ERG: variants seen among roughly 807,000 people sequenced by gnomAD.
The protein encoded by ERG is transcriptional regulator ERG.
Under a neutral mutation model 55.3 loss-of-function variants are expected in ERG, and 9 were observed. That is an observed-to-expected ratio of 0.16 (90% CI 0.10 to 0.28). The LOEUF is 0.28. Among genes scored for constraint, ERG ranks in the 10% least tolerant of loss-of-function variants. The pLI, the probability that ERG is intolerant of heterozygous loss-of-function variation, is 1.00. For synonymous variants in ERG, 223 were observed against 237.3 expected (o/e 0.94, Z 0.55); for missense variants, 434 against 631.6 (o/e 0.69, Z 3.35).
chr21:38,560,505 T>C (rs992389595), intron 2 of ERG, among the ~76,000 whole-genome samples: 6 of 152,242 alleles, frequency 3.9e-5, no homozygotes, highest in Non-Finnish European at 8.8e-5. Flanking sequence ...GGTCAAACTA[T>C]CAAATCTGTA....
At chr21:38,579,857 G>T (rs1477615061) in intron 1 of ERG, among the ~76,000 whole-genome samples, 28 of 148,100 alleles carry the variant, frequency 1.9e-4, no homozygotes, top group African/African-American at 6.7e-4. Flanking sequence ...GTCTCTCTCT[G>T]TTGCCCAGGC....
At chr21:38,596,710 T>C (rs1729260465) in intron 1 of ERG, among the ~76,000 whole-genome samples, 1 of 152,186 alleles carries the variant, frequency 6.6e-6, no homozygotes, top group South Asian at 2.1e-4. Flanking sequence ...AATGCAAAGT[T>C]TTGGCAACGA....
intron 1 of ERG, among the ~76,000 whole-genome samples, chr21:38,620,270 A>G (rs2060282515): frequency 6.6e-6 from 1 of 152,012 alleles, no homozygotes; most frequent in Non-Finnish European, 1.5e-5. Context: ...GGGGATGAAG[A>G]GGTTATGCAA....
intron 3 of ERG, among the ~76,000 whole-genome samples, chr21:38,419,114 C>T (rs1333637693): frequency 6.6e-6 from 1 of 152,026 alleles, no homozygotes; most frequent in Non-Finnish European, 1.5e-5. Context: ...AAGAGACTGC[C>T]CTGCCCTATG....
intron 1 of ERG, among the ~76,000 whole-genome samples, chr21:38,598,249 T>A (rs190175937): frequency 1.6e-4 from 24 of 152,318 alleles, no homozygotes; most frequent in Admixed American, 6.5e-4. Context: ...GCCACCTGCA[T>A]CAGAATCGCT....
intron 3 of ERG, among the ~76,000 whole-genome samples, chr21:38,410,696 G>A (rs997847446): frequency 6.6e-6 from 1 of 152,168 alleles, no homozygotes; most frequent in African/African-American, 2.4e-5. Flanking sequence ...TTTAAATCAG[G>A]CAAAGGGGCA....
intron 9 of ERG, among the ~76,000 whole-genome samples, chr21:38,386,271 A>G (rs1987687625): frequency 1.3e-5 from 2 of 152,252 alleles, no homozygotes; most frequent in South Asian, 2.1e-4. Context: ...CTATAGAAAT[A>G]AGAGAACTGT....
chr21:38,654,069 T>G (rs1365633483), intron 1 of ERG, among the ~76,000 whole-genome samples: 1 of 152,260 alleles, frequency 6.6e-6, no homozygotes, highest in Non-Finnish European at 1.5e-5. Flanking sequence ...GAAACTGCCC[T>G]TGTGGGACAT....
chr21:38,589,348 C>T (rs1396358543), upstream of ERG, among the ~76,000 whole-genome samples: 2 of 152,210 alleles, frequency 1.3e-5, no homozygotes, highest in Non-Finnish European at 2.9e-5. Flanking sequence ...CCTGCTTTTT[C>T]CATGTATAGC....
chr21:38,471,636 A>G (rs1412227439), intron 1 of ERG: 1 of 151,996 alleles, frequency 6.6e-6, no homozygotes, highest in East Asian at 1.9e-4. Context: ...CAATGACCAA[A>G]CTATAATTAG....
chr21:38,644,672 T>G (rs1317325678), intron 1 of ERG, among the ~76,000 whole-genome samples: 1 of 152,138 alleles, frequency 6.6e-6, no homozygotes, highest in Non-Finnish European at 1.5e-5. Context: ...ATTTACAAGA[T>G]TATTTATCAG....
intron 2 of ERG, among the ~76,000 whole-genome samples, chr21:38,546,708 C>T (rs990659788): frequency 2.0e-5 from 3 of 152,186 alleles, no homozygotes; most frequent in Non-Finnish European, 4.4e-5. Context: ...TCCCAGGTCT[C>T]ATAGAGAACA....
chr21:38,648,743 T>C (rs2060471622), intron 1 of ERG, among the ~76,000 whole-genome samples: 1 of 152,160 alleles, frequency 6.6e-6, no homozygotes, highest in African/African-American at 2.4e-5. Flanking sequence ...CAAATTTCCA[T>C]GAAAACCAGA....
rs1005176785 is a variant in ERG at position 38,388,486 on chromosome 21, T to C, written c.919+2509A>G. On this transcript the variant is annotated intron_variant, in intron 9 of 9. Coordinates refer to ENST00000288319, the MANE Select transcript of ERG (RefSeq NM_182918.4). ...AGCAAAGACAGCAATTTTTAAGTGA[T>C]GAAAGATTTATTTATCAGAGAATAG... is the stretch of plus-strand genomic sequence containing the variant. 2.0e-5 allele frequency among the ~76,000 whole-genome samples: 3 copies of C among 152,212 alleles called. No individual in the cohort carries two copies. In the East Asian group the frequency reaches 5.8e-4, roughly 29 times the overall value.
In ERG at chr21:38,402,545, G is replaced by C; in HGVS notation, c.673+12C>G. ...CGCTCTTGCTGGGAGGCAGGGGCGGGGCCAGCATTACCTGTGTTTCTAGCA... is the reference window on the plus strand; with the variant it reads ...CGCTCTTGCTGGGAGGCAGGGGCGGCGCCAGCATTACCTGTGTTTCTAGCA... On this transcript the variant is annotated intron_variant, in intron 5 of 9. Coordinates refer to ENST00000288319, the MANE Select transcript of ERG (RefSeq NM_182918.4). 1 of 1,606,188 alleles carries C rather than the reference G, an allele frequency of 6.2e-7. No homozygotes were observed. The highest frequency in any genetic ancestry group is 2.2e-5 in the East Asian group (1 of 44,712).
intron 1 of ERG, 134 bp from the exon 2 acceptor site, chr21:38,445,755 C>A (rs1363787709): frequency 4.4e-6 from 3 of 680,130 alleles, no homozygotes; most frequent in Non-Finnish European, 7.6e-6. Flanking sequence ...TTCTACCTTT[C>A]AGAAGAAAAA....
upstream of ERG, among the ~76,000 whole-genome samples, chr21:38,499,838 G>GAAA (rs2059407762): frequency 6.7e-6 from 1 of 148,262 alleles, no homozygotes; most frequent in South Asian, 2.2e-4. Context: ...GAGGATGGGA[G>GAAA]GAAGGAGGGA....
chr21:38,560,465 AAGCTCTGCTCCAGACCTCCCCGTTG>A, intron 2 of ERG, among the ~76,000 whole-genome samples: 1 of 152,274 alleles, frequency 6.6e-6, no homozygotes, highest in African/African-American at 2.4e-5. Flanking sequence ...CTCCAAAGGC[AAGCTCTGCTCCAGACCTCCCCGTTG>A]GGTTGGTCAA....
chr21:38,409,461 G>A (rs1988936914), intron 3 of ERG, among the ~76,000 whole-genome samples: 2 of 147,590 alleles, frequency 1.4e-5, no homozygotes, highest in Non-Finnish European at 3.0e-5. Context: ...CCAGAAGCCT[G>A]GGCAACAAGA....
Sources: allele counts gnomAD v4.1 joint callset (sites outside exome capture counted in the v4.1 genomes callset), GRCh38; gene constraint gnomAD v4.1.1; transcripts MANE v1.5; gene names NCBI Gene and HGNC (gene_info 2026-07-23, HGNC 2026-07-21).